The following NAPA variants were observed in gnomAD, a reference collection of about 807,000 sequenced individuals.
NAPA encodes NSF attachment protein alpha.
In NAPA, 18 loss-of-function variants were observed where a neutral mutation model predicts 48.0. The ratio of observed to expected loss-of-function variants is 0.38; its 90% CI spans 0.26 to 0.56. The LOEUF (loss-of-function observed/expected upper bound fraction) is 0.56, where lower values mean the gene tolerates loss of function less well. Among genes scored for constraint, NAPA ranks in the 20% least tolerant of loss-of-function variants. The pLI, the probability that NAPA is intolerant of heterozygous loss-of-function variation, is 0.77. For synonymous variants in NAPA, 152 were observed against 149.9 expected, an observed-to-expected ratio of 1.01 and a Z score of -0.10; for missense variants, 315 against 385.0, an observed-to-expected ratio of 0.82 and a Z score of 1.52.
At chr19:47,503,240 G>T (rs781186702) in intron 2 of NAPA, among the ~76,000 whole-genome samples, 183 bp downstream of exon 2, 1 of 152,224 alleles carries the variant, frequency 6.6e-6, no homozygotes, top group Non-Finnish European at 1.5e-5. Context: ...AAGGCCCCAT[G>T]ACCCAGAGTA....
downstream of NAPA, among the ~76,000 whole-genome samples, chr19:47,485,527 G>C (rs576409986): frequency 9.3e-4 from 141 of 152,268 alleles, no homozygotes; most frequent in Non-Finnish European, 1.5e-3. Context: ...TGGACACCTC[G>C]AGCACACACA....
intron 7 of NAPA, chr19:47,492,537 A>G (rs1242379735): frequency 5.1e-6 from 2 of 392,612 alleles, no homozygotes; most frequent in East Asian, 6.0e-5. Context: ...GCCATCACCC[A>G]GGGCTCCGTG....
intron 1 of NAPA, among the ~76,000 whole-genome samples, chr19:47,509,477 G>A (rs1040321680): frequency 1.2e-4 from 19 of 152,154 alleles, no homozygotes; most frequent in Non-Finnish European, 1.8e-4. Context: ...ACACCTTGCA[G>A]GGCTGCTGAA....
intron 1 of NAPA, 87 bp from the exon 2 acceptor site, chr19:47,503,589 C>T (rs565304494): frequency 6.4e-6 from 8 of 1,245,148 alleles, no homozygotes; most frequent in South Asian, 1.2e-5. Flanking sequence ...CGGGCACAGA[C>T]GTGCCCCTAC....
In NAPA at chr19:47,495,558, T is replaced by C; in HGVS notation, c.334A>G (p.Thr112Ala). ...NCLMRAIEIY[T>A]DMGRFTIAAK... ...AAGCAAGCAGCCCTTACCATGTCTG[T>C]GTAGATCTCGATTGCTCGCATCAAA... is the stretch of plus-strand genomic sequence containing the variant. The change falls in exon 4 of 11, where the codon ACA becomes GCA. Residue 112 changes from threonine (T) to alanine (A), a missense_variant. Physicochemically the swap from Thr to Ala is moderately conservative, Grantham distance 58 (BLOSUM62 0). Around this residue, in one of 3 missense-constraint regions of NAPA, gnomAD observed 173 missense variants for 213.5 expected, o/e 0.81. Coordinates refer to ENST00000263354, the MANE Select transcript of NAPA (RefSeq NM_003827.4). 3.1e-6 allele frequency: 5 copies of C among 1,613,882 alleles called. No individual in the cohort carries two copies. The highest frequency in any genetic ancestry group is 2.2e-5 in the East Asian group (1 of 44,878).
At chr19:47,490,061 G>A (rs1161607102) in intron 9 of NAPA, among the ~76,000 whole-genome samples, 2 of 146,868 alleles carry the variant, frequency 1.4e-5, no homozygotes, top group South Asian at 2.1e-4. Flanking sequence ...TGTGGTGGAG[G>A]TGTGTGTGTG....
chr19:47,514,845 A>G lies in NAPA; in HGVS notation c.96T>C (p.Phe32=). The G allele has an allele frequency of 6.2e-7, 1 of 1,613,812 alleles. No individual in the cohort carries two copies. Among genetic ancestry groups the G allele is most frequent in the Non-Finnish European group, 8.5e-7 (1 of 1,179,874 alleles). ...CGACCCCTCAGCCCGGTTCTCACCCAAAGAGGCCAGAGAAGAAGGACTGCG... is the reference window on the plus strand; with the variant it reads ...CGACCCCTCAGCCCGGTTCTCACCCGAAGAGGCCAGAGAAGAAGGACTGCG... ...KNSQSFFSGL[F]GGSSKIEEAC... is the part of the protein sequence containing the mutation. The change falls in exon 1 of 11, where the codon TTT becomes TTC. Residue 32 remains phenylalanine, a splice_region_variant and synonymous_variant. Transcript: ENST00000263354.
intron 3 of NAPA, chr19:47,496,546 GA>G: frequency 6.0e-6 from 1 of 166,762 alleles, no homozygotes. Context: ...TGGGGAGAGG[GA>G]AAGGCAGGGA....
chr19:47,503,328 G>C, intron 2 of NAPA, 95 bp downstream of exon 2: 1 of 1,099,020 alleles, frequency 9.1e-7, no homozygotes, highest in Non-Finnish European at 1.4e-6. Flanking sequence ...CAAAGAGAAA[G>C]GGCCCTCAAG....
intron 3 of NAPA, among the ~76,000 whole-genome samples, chr19:47,499,585 CCAT>C (rs1248254288): frequency 6.6e-6 from 1 of 152,256 alleles, no homozygotes; most frequent in Non-Finnish European, 1.5e-5. Context: ...CTGAGCCCCA[CCAT>C]GTGACCACTG....
In NAPA at chr19:47,490,675, C is replaced by CA. The variant is rs139535582; in HGVS notation, c.735+112dup. ...CAAAACAAAACAAAACAAAACAAAA[C>CA]AAAGACACCCTCTGAGAACTACTGG... is the stretch of plus-strand genomic sequence containing the variant. On this transcript the variant is annotated intron_variant, in intron 9 of 10. Transcript: ENST00000263354. 464 of 890,934 alleles carry CA rather than the reference C, an allele frequency of 5.2e-4. 1 individual carries two copies. The East Asian group carries it at 0.013, about 24-fold the overall frequency. The allele number at this position is 890,934 out of a possible 1,614,324, so 55.2% of individuals were successfully genotyped here.
At chr19:47,498,752 C>G (rs1259852407) in intron 3 of NAPA, among the ~76,000 whole-genome samples, 2 of 152,208 alleles carry the variant, frequency 1.3e-5, no homozygotes, top group South Asian at 2.1e-4. Context: ...AGACACAAAG[C>G]AGCCACTGCC....
At chr19:47,505,019 T>C (rs182401265) in intron 1 of NAPA, among the ~76,000 whole-genome samples, 1 of 152,312 alleles carries the variant, frequency 6.6e-6, no homozygotes, top group East Asian at 1.9e-4. Flanking sequence ...GAGCCTCCTC[T>C]TGACTTGGGG....
Position 47,495,481 on chromosome 19 carries a change from AAG to A in NAPA, c.342+67_342+68del, listed in dbSNP as rs1438746744. Reference sequence around the variant, plus strand: ...ATAAGAACAGTGCTGGGGGTGCTGAAAGAGGGGACGCAAGGCTGGGGCAATGC... The same window carrying A: ...ATAAGAACAGTGCTGGGGGTGCTGAAAGGGGACGCAAGGCTGGGGCAATGC... On this transcript the variant is annotated intron_variant, in intron 4 of 10. Transcript: ENST00000263354. 11 of 1,518,270 alleles carry A rather than the reference AAG, an allele frequency of 7.2e-6. No individual in the cohort carries two copies. The African/African-American group carries it at 8.2e-5, about 11-fold the overall frequency. The allele number at this position is 1,518,270 out of a possible 1,614,324, so 94.0% of individuals were successfully genotyped here. A position where few individuals can be genotyped will look rare whatever the true frequency, so the allele number is the denominator to read the frequency against.
Position 47,515,028 on chromosome 19 carries a change from A to T in NAPA, c.-88T>A. ...CGGGCCGCGGAACACAGATCGGTAA[A>T]ACTCGCCCGGCTGCGTTGACGTCGC... On this transcript the variant is annotated 5_prime_UTR_variant, in exon 1 of 11. Coordinates refer to ENST00000263354, the MANE Select transcript of NAPA (RefSeq NM_003827.4). 1 of 1,353,558 alleles carries T rather than the reference A, an allele frequency of 7.4e-7. No homozygotes were observed. The highest frequency in any genetic ancestry group is 1.0e-6 in the Non-Finnish European group (1 of 981,556). The allele number at this position is 1,353,558 out of a possible 1,614,324, so 83.8% of individuals were successfully genotyped here. A position where few individuals can be genotyped will look rare whatever the true frequency, so the allele number is the denominator to read the frequency against.
chr19:47,503,266 G>C (rs748378786), intron 2 of NAPA, 157 bp downstream of exon 2: 5 of 670,536 alleles, frequency 7.5e-6, no homozygotes, highest in Non-Finnish European at 1.3e-5. Flanking sequence ...TAACCCAGCA[G>C]GCACAAAACA....
chr19:47,491,929 T>C, intron 8 of NAPA, 86 bp downstream of exon 8: 2 of 1,208,340 alleles, frequency 1.7e-6, no homozygotes, highest in Non-Finnish European at 2.4e-6. Flanking sequence ...GAGGAGCACG[T>C]CCCTCTTCGG....
chr19:47,493,442 CAT>C lies in NAPA; in HGVS notation c.392_393del (p.Tyr131Ter). 1 of 1,614,088 alleles carries C rather than the reference CAT, an allele frequency of 6.2e-7. No individual in the cohort carries two copies. The highest frequency in any genetic ancestry group is 8.5e-7 in the Non-Finnish European group (1 of 1,179,984). On this transcript the variant is annotated frameshift_variant, in exon 5 of 11. Coordinates refer to ENST00000263354, the MANE Select transcript of NAPA (RefSeq NM_003827.4). LOFTEE classifies it high-confidence loss of function. This position sits in a 1 kb window ranked among gnomAD's most constrained non-coding sequence, Gnocchi z 6.4. ...AKHHISIAEI[Y>X]ETELVDIEKA... ...TTCTCGATGTCCACCAACTCTGTCT[CAT>C]AGATCTCAGCAATGGAGATGTGGTG...
At chr19:47,500,575 C>A (rs1968550473) in intron 3 of NAPA, 58 bp downstream of exon 3, 3 of 1,383,788 alleles carry the variant, frequency 2.2e-6, no homozygotes, top group Non-Finnish European at 2.9e-6. Flanking sequence ...GGAATCAATG[C>A]AGGGTGCTAG....
Sources: gnomAD v4.1 joint callset for allele counts (sites outside exome capture counted in the v4.1 genomes callset) on GRCh38, gnomAD v4.1.1 for gene constraint, gnomAD v4.1.1 regional missense constraint, Gnocchi (gnomAD v3.1) non-coding constraint, MANE v1.5 for transcripts, NCBI Gene and HGNC (gene_info 2026-07-23, HGNC 2026-07-21) for gene names.